PDE4D: variants seen among roughly 807,000 people sequenced by gnomAD.
PDE4D encodes the protein phosphodiesterase 4D.
In PDE4D, 24 loss-of-function variants were observed where a neutral mutation model predicts 87.4. That is an observed-to-expected ratio of 0.27 (90% CI 0.20 to 0.39). PDE4D has a LOEUF of 0.39. Ranked by LOEUF, PDE4D falls within the 10% of genes least tolerant of loss-of-function variation. The pLI is 1.00. For synonymous variants in PDE4D, 384 were observed against 383.2 expected (o/e 1.00, Z -0.02); for missense variants, 714 against 1,041.0 (o/e 0.69, Z 4.32).
rs868718260 is a variant in PDE4D, at chr5:59,935,979, G to A, written c.272+52509C>T. ...TCCTTTGGGTATATACCCAGTAACA[G>A]AATGGCTGGGTCAAATGGTATTTCT... On this transcript the variant is annotated intron_variant, in intron 3 of 16. Coordinates refer to the PDE4D transcript ENST00000502484. 4.6e-5 allele frequency among the ~76,000 whole-genome samples: 7 copies of A among 152,306 alleles called. 1 individual carries two copies. In the Middle Eastern group the frequency reaches 0.014, roughly 296 times the overall value.
chr5:60,492,138 AAAG>A (rs1164118948), upstream of PDE4D, among the ~76,000 whole-genome samples: 1 of 152,078 alleles, frequency 6.6e-6, no homozygotes, highest in African/African-American at 2.4e-5. Context: ...AAAAAAAAAA[AAAG>A]AAAATTGTCA....
In PDE4D at chr5:59,188,857, A is replaced by G. The variant is rs111494447; in HGVS notation, c.685-3595T>C. On this transcript the variant is annotated intron_variant, in intron 3 of 14. Transcript: ENST00000340635. The stretch of plus-strand genomic sequence containing the variant: ...GTACACCAGAAAAGGTTGATAGACA[A>G]TTTTATATGGTTCGCTCTTAAAAAG... Among the ~76,000 whole-genome samples, 593 of 152,328 alleles carry G rather than the reference A, an allele frequency of 3.9e-3. 2 individuals carry two copies. The highest frequency in any genetic ancestry group is 0.014 in the African/African-American group (569 of 41,566).
chr5:60,055,615 C>A (rs1160170931), intron 2 of PDE4D, among the ~76,000 whole-genome samples: 1 of 152,066 alleles, frequency 6.6e-6, no homozygotes, highest in Non-Finnish European at 1.5e-5. Flanking sequence ...AACACATGTG[C>A]TTTGTACTAA....
chr5:59,657,577 TA>T (rs1159381046), intron 1 of PDE4D, among the ~76,000 whole-genome samples: 1 of 152,208 alleles, frequency 6.6e-6, no homozygotes, highest in Non-Finnish European at 1.5e-5. Context: ...ATGCCATTCA[TA>T]TATACTATCT....
intron 2 of PDE4D, among the ~76,000 whole-genome samples, chr5:60,159,622 A>G (rs1186110089): frequency 6.6e-6 from 1 of 152,148 alleles, no homozygotes; most frequent in Admixed American, 6.5e-5. Context: ...CTCTATTATA[A>G]TCTTATGAAA....
intron 1 of PDE4D, among the ~76,000 whole-genome samples, chr5:59,818,870 T>TAAA (rs11305744): frequency 1.4e-5 from 2 of 141,798 alleles, no homozygotes; most frequent in African/African-American, 5.2e-5. Flanking sequence ...AAAAAGTAGA[T>TAAA]AAAAAAAAAA....
At chr5:59,262,268 A>G (rs541755277) in intron 1 of PDE4D, among the ~76,000 whole-genome samples, 16 of 151,940 alleles carry the variant, frequency 1.1e-4, no homozygotes, top group Admixed American at 6.6e-5. Flanking sequence ...AGCAATAAAA[A>G]ATGCACCTTT....
At chr5:59,710,437 T>C (rs1232496089) in intron 1 of PDE4D, among the ~76,000 whole-genome samples, 1 of 152,210 alleles carries the variant, frequency 6.6e-6, no homozygotes, top group Admixed American at 6.6e-5. Flanking sequence ...ACTCCAGTAT[T>C]CTGCACATTA....
At chr5:59,104,522 A>G (rs781576583) in intron 5 of PDE4D, among the ~76,000 whole-genome samples, 1 of 152,230 alleles carries the variant, frequency 6.6e-6, no homozygotes, top group Non-Finnish European at 1.5e-5. Context: ...AAAGGGATAC[A>G]TAGCCTTGAA....
At chr5:59,157,495 T>A in intron 5 of PDE4D, 1 of 621,758 alleles carries the variant, frequency 1.6e-6, no homozygotes, top group Non-Finnish European at 2.9e-6. Context: ...TTAAAAAGAA[T>A]ATTCATTTCA....
At chr5:59,423,235 C>T (rs929539928) in intron 1 of PDE4D, among the ~76,000 whole-genome samples, 1 of 152,142 alleles carries the variant, frequency 6.6e-6, no homozygotes, top group Non-Finnish European at 1.5e-5. Flanking sequence ...CCTCATCATC[C>T]CCAGGGAAGC....
chr5:60,199,727 G>C (rs1481547687), intron 1 of PDE4D, among the ~76,000 whole-genome samples: 2 of 151,622 alleles, frequency 1.3e-5, no homozygotes, highest in African/African-American at 4.8e-5. Flanking sequence ...CTGAATGAAA[G>C]AAACTTAGTA....
At chr5:60,288,571 A>C (rs1752620824) in intron 1 of PDE4D, among the ~76,000 whole-genome samples, 1 of 152,180 alleles carries the variant, frequency 6.6e-6, no homozygotes, top group Admixed American at 6.5e-5. Flanking sequence ...TTAACTAGTG[A>C]TATGTATGAA....
intron 1 of PDE4D, among the ~76,000 whole-genome samples, chr5:59,471,118 A>C (rs1277746258): frequency 1.3e-5 from 2 of 152,100 alleles, no homozygotes; most frequent in Non-Finnish European, 2.9e-5. Context: ...GGTGGCATGC[A>C]TCTGTGGTCA....
At chr5:60,509,063 C>A (rs549918728) in intron 1 of PDE4D, among the ~76,000 whole-genome samples, 57 of 152,156 alleles carry the variant, frequency 3.7e-4, no homozygotes, top group African/African-American at 1.4e-3. Context: ...CCAGGCCCAG[C>A]TGATTTTTAT....
chr5:59,706,596 TACAGA>T (rs1384710337), intron 1 of PDE4D, among the ~76,000 whole-genome samples: 4 of 152,166 alleles, frequency 2.6e-5, no homozygotes, highest in Admixed American at 2.6e-4. Context: ...AAATGTGCTC[TACAGA>T]GGTTTCAGGT....
chr5:60,099,961 AAAAG>A (rs1313494338), intron 2 of PDE4D, among the ~76,000 whole-genome samples: 5 of 151,944 alleles, frequency 3.3e-5, no homozygotes, highest in East Asian at 3.8e-4. Flanking sequence ...TTCACAGCAA[AAAAG>A]AAAGAAAGAA....
At chr5:60,019,377 A>T (rs1582205910) in intron 2 of PDE4D, among the ~76,000 whole-genome samples, 1 of 152,206 alleles carries the variant, frequency 6.6e-6, no homozygotes, top group African/African-American at 2.4e-5. Flanking sequence ...CTAAGAGTAG[A>T]GTCAACCTGT....
intron 3 of PDE4D, chr5:59,988,044 C>A (rs1437315501): frequency 1.3e-5 from 2 of 153,990 alleles, no homozygotes; most frequent in Non-Finnish European, 2.9e-5. Flanking sequence ...CTCATGAATA[C>A]CATTGCATAT....
Sources: gnomAD v4.1 joint callset for allele counts (sites outside exome capture counted in the v4.1 genomes callset) on GRCh38, gnomAD v4.1.1 for gene constraint, MANE v1.5 for transcripts, NCBI Gene and HGNC (gene_info 2026-07-23, HGNC 2026-07-21) for gene names.